Variants in ADAM9 observed in about 807,000 individuals in gnomAD.
ADAM9 encodes disintegrin and metalloproteinase domain-containing protein 9.
In ADAM9, 54 loss-of-function variants were observed where a neutral mutation model predicts 108.1. That is an observed-to-expected ratio of 0.50 (90% confidence interval 0.40 to 0.63). The LOEUF is 0.63. Among genes scored for constraint, ADAM9 ranks in the 20% least tolerant of loss-of-function variants. The pLI is 0.00. For missense variants in ADAM9, 830 were observed against 997.7 expected (o/e 0.83, Z 2.26); for synonymous variants, 316 against 336.0 (o/e 0.94, Z 0.65).
intron 14 of ADAM9, among the ~76,000 whole-genome samples, chr8:39,065,738 T>C (rs1838447281): frequency 6.6e-6 from 1 of 151,970 alleles, no homozygotes; most frequent in Non-Finnish European, 1.5e-5. Flanking sequence ...TGTCAGTATG[T>C]TAATGATAAT....
At chr8:39,066,068 G>A (rs200943098) in intron 14 of ADAM9, among the ~76,000 whole-genome samples, 18 of 152,134 alleles carry the variant, frequency 1.2e-4, no homozygotes, top group Non-Finnish European at 2.4e-4. Flanking sequence ...ATGTCCCTAC[G>A]AAGGACATGA....
At chr8:39,090,433 G>T (rs1395705740) in intron 19 of ADAM9, among the ~76,000 whole-genome samples, 2 of 152,110 alleles carry the variant, frequency 1.3e-5, no homozygotes, top group African/African-American at 4.8e-5. Context: ...CTGCCAAAGT[G>T]CAGGGATTAC....
intron 14 of ADAM9, among the ~76,000 whole-genome samples, chr8:39,070,692 A>G (rs1416947644): frequency 1.3e-5 from 2 of 151,960 alleles, no homozygotes; most frequent in African/African-American, 4.8e-5. Context: ...CAAGAGTTCA[A>G]GGTTACAGTA....
intron 14 of ADAM9, among the ~76,000 whole-genome samples, chr8:39,071,031 A>G (rs142735116): frequency 1.1e-3 from 171 of 152,270 alleles, no homozygotes; most frequent in African/African-American, 4.0e-3. Context: ...CTTATAATCT[A>G]TTATTTAATA....
intron 16 of ADAM9, among the ~76,000 whole-genome samples, chr8:39,081,655 CAG>C (rs1352472678): frequency 6.6e-6 from 1 of 152,086 alleles, no homozygotes; most frequent in East Asian, 1.9e-4. Flanking sequence ...TTGGAGGAAA[CAG>C]TGTTTGGAGA....
rs967756473 is a variant in ADAM9, at chr8:39,032,063, C to T, written c.1130+5253C>T. 5.3e-5 allele frequency among the ~76,000 whole-genome samples: 8 copies of T among 152,196 alleles called. No homozygotes were observed. The South Asian group carries it at 1.0e-3, about 20-fold the overall frequency. On this transcript the variant is annotated intron_variant, in intron 11 of 21. Transcript: ENST00000487273. Reference sequence around the variant, plus strand: ...GGAAGCCTCATCCCAGAGGGGCACCCGCCTGTGTGAGGTGTCATTGGCCCC... The same window carrying T: ...GGAAGCCTCATCCCAGAGGGGCACCTGCCTGTGTGAGGTGTCATTGGCCCC...
Position 39,104,603 on chromosome 8 carries a change from T to A in ADAM9, c.*903T>A, listed in dbSNP as rs1269056040. 2.3e-6 allele frequency: 1 copy of A among 426,642 alleles called. No individual in the cohort carries two copies. Among genetic ancestry groups the A allele is most frequent in the Admixed American group, 2.8e-5 (1 of 36,104 alleles). 26.4% of individuals were successfully genotyped at this position (426,642 alleles called of 1,614,324 possible). A position where few individuals can be genotyped will look rare whatever the true frequency, so the allele number is the denominator to read the frequency against. ...AACCACTTGAGAATTTCATGAGCACTTTAAAATCTGAACTTTCAAAGCTTG... is the reference window on the plus strand; with the variant it reads ...AACCACTTGAGAATTTCATGAGCACATTAAAATCTGAACTTTCAAAGCTTG... On this transcript the variant is annotated 3_prime_UTR_variant, in exon 22 of 22. Transcript: ENST00000487273.
In ADAM9 at chr8:39,082,134, A is replaced by G. The variant is rs185650360; in HGVS notation, c.1882-507A>G. Among the ~76,000 whole-genome samples, 27 of 152,274 alleles carry G rather than the reference A, an allele frequency of 1.8e-4. 1 individual carries two copies. In the East Asian group the frequency reaches 4.8e-3, roughly 27 times the overall value. On this transcript the variant is annotated intron_variant, in intron 16 of 21. Coordinates refer to ENST00000487273, the MANE Select transcript of ADAM9 (RefSeq NM_003816.3). ...GAAATATCTAATCATGGTACTAGAA[A>G]ACAGATTTTATCTTGTCAACAAAGT...
chr8:39,089,553 G>A (rs914101763), intron 18 of ADAM9, among the ~76,000 whole-genome samples: 3 of 152,220 alleles, frequency 2.0e-5, no homozygotes, highest in African/African-American at 7.2e-5. Context: ...TACAACATAT[G>A]TGCAAGGTTA....
intron 12 of ADAM9, among the ~76,000 whole-genome samples, chr8:39,044,163 C>G (rs1183424623): frequency 6.6e-6 from 1 of 152,142 alleles, no homozygotes; most frequent in East Asian, 1.9e-4. Context: ...AAATCATTGC[C>G]AAGACCAATG....
chr8:39,003,881 A>G lies in ADAM9; in HGVS notation c.98-4005A>G, dbSNP rs562802705. Among the ~76,000 whole-genome samples, 8 of 152,294 alleles carry G rather than the reference A, an allele frequency of 5.3e-5. No homozygotes were observed. The South Asian group carries it at 1.5e-3, about 28-fold the overall frequency. ...TGTTTAAAATGGAAAAGAAGGAAAAAAAGTTACGTATAATCTTCCTATATT... is the reference window on the plus strand; with the variant it reads ...TGTTTAAAATGGAAAAGAAGGAAAAGAAGTTACGTATAATCTTCCTATATT... On this transcript the variant is annotated intron_variant, in intron 1 of 21. Transcript: ENST00000487273.
chr8:39,009,964 A>AAACAACCCCC (rs1554572507), intron 2 of ADAM9, among the ~76,000 whole-genome samples: 2 of 106,528 alleles, frequency 1.9e-5, no homozygotes, highest in Non-Finnish European at 3.7e-5. Flanking sequence ...ACAAAAACAA[A>AAACAACCCCC]CCCCCCCCCC....
chr8:39,023,054 CA>C, intron 8 of ADAM9, 101 bp from the exon 9 acceptor site: 1 of 1,044,760 alleles, frequency 9.6e-7, no homozygotes, highest in Non-Finnish European at 1.4e-6. Flanking sequence ...TTTTTTTAGG[CA>C]GGGGAGTTTT....
At chr8:39,057,040 T>C (rs1838146584) in intron 14 of ADAM9, among the ~76,000 whole-genome samples, 1 of 152,228 alleles carries the variant, frequency 6.6e-6, no homozygotes, top group Non-Finnish European at 1.5e-5. Context: ...TATGTTTAGA[T>C]ACCTTTTCTA....
chr8:39,058,960 G>A (rs2129439390), intron 14 of ADAM9, among the ~76,000 whole-genome samples: 1 of 152,262 alleles, frequency 6.6e-6, no homozygotes. Context: ...CCTTGCCCCA[G>A]CACTGTAAGG....
At chr8:39,016,876 G>T (rs184922119) in intron 5 of ADAM9, among the ~76,000 whole-genome samples, 2 of 152,256 alleles carry the variant, frequency 1.3e-5, no homozygotes, top group South Asian at 2.1e-4. Context: ...TAAATACCTC[G>T]CTGAGAGTCC....
intron 12 of ADAM9, among the ~76,000 whole-genome samples, chr8:39,043,286 A>G (rs1564291992): frequency 6.6e-6 from 1 of 152,126 alleles, no homozygotes; most frequent in Non-Finnish European, 1.5e-5. Context: ...TTAGATAAGT[A>G]CCCAGAAGTG....
At chr8:39,037,050 CTTTTTTTTTTTTTT>C (rs58876607) in intron 11 of ADAM9, among the ~76,000 whole-genome samples, 1 of 78,620 alleles carries the variant, frequency 1.3e-5, no homozygotes, top group South Asian at 5.0e-4. Context: ...TGCGCAAGTT[CTTTTTTTTTTTTTT>C]TTTTTTTTTT....
At chr8:39,029,673 G>T (rs10809000) in intron 11 of ADAM9, among the ~76,000 whole-genome samples, 1 of 151,990 alleles carries the variant, frequency 6.6e-6, no homozygotes, top group Non-Finnish European at 1.5e-5. Context: ...TTCTGTTAAC[G>T]TGGTGTTAAT....
Sources: gnomAD v4.1 joint callset for allele counts (sites outside exome capture counted in the v4.1 genomes callset) on GRCh38, gnomAD v4.1.1 for gene constraint, MANE v1.5 for transcripts, NCBI Gene and HGNC (gene_info 2026-07-23, HGNC 2026-07-21) for gene names.